Variants in MGST1 observed in about 807,000 individuals in gnomAD.
MGST1 encodes the protein microsomal glutathione S-transferase 1, also known as glutathione S-transferase 12.
A neutral mutation model predicts 8.9 loss-of-function variants in MGST1; 5 were observed. The observed-to-expected ratio is 0.56, with a 90% CI of 0.29 to 1.19. The LOEUF is 1.19. MGST1 is among the 50% of genes most tolerant of loss of function. MGST1 has a pLI of 0.08. For missense variants in MGST1, 182 were observed against 187.4 expected (o/e 0.97, Z 0.17); for synonymous variants, 54 against 67.8 (o/e 0.80, Z 1.00).
At chr12:16,415,745 A>G (rs1940782558) in intron 1 of MGST1, among the ~76,000 whole-genome samples, 2 of 152,166 alleles carry the variant, frequency 1.3e-5, no homozygotes, top group Admixed American at 6.5e-5. Context: ...TGGGGACTCA[A>G]AAGTTATATG....
At chr12:16,583,620 T>C (rs895736192) in intron 4 of MGST1, among the ~76,000 whole-genome samples, 3 of 152,212 alleles carry the variant, frequency 2.0e-5, no homozygotes, top group African/African-American at 7.2e-5. Flanking sequence ...TGTAAGAGGC[T>C]GATTTATATC....
At chr12:16,545,625 A>G (rs1167105126) in intron 4 of MGST1, among the ~76,000 whole-genome samples, 1 of 152,042 alleles carries the variant, frequency 6.6e-6, no homozygotes, top group Non-Finnish European at 1.5e-5. Context: ...TTTTTACTTC[A>G]GTGTACCCTC....
At chr12:16,534,289 G>T (rs11056989) in intron 4 of MGST1, among the ~76,000 whole-genome samples, 46,227 of 152,036 alleles carry the variant, frequency 0.3, 7,076 homozygotes, top group East Asian at 0.43. Flanking sequence ...ATGCACATTT[G>T]AGATAAAAGG....
intron 4 of MGST1, among the ~76,000 whole-genome samples, chr12:16,543,729 G>C (rs185891945): frequency 6.6e-6 from 1 of 152,134 alleles, no homozygotes; most frequent in East Asian, 1.9e-4. Context: ...ATCATTTTCT[G>C]CCTGATGGCA....
intron 4 of MGST1, among the ~76,000 whole-genome samples, chr12:16,557,034 T>C (rs1042918564): frequency 1.3e-5 from 2 of 152,226 alleles, no homozygotes; most frequent in African/African-American, 2.4e-5. Context: ...CTTACTTGAC[T>C]GAGTTCTCCT....
chr12:16,535,386 T>G (rs1941749702), intron 4 of MGST1, among the ~76,000 whole-genome samples: 1 of 152,204 alleles, frequency 6.6e-6, no homozygotes, highest in African/African-American at 2.4e-5. Flanking sequence ...AAGGTAATGA[T>G]ATTTAGAAAT....
intron 4 of MGST1, among the ~76,000 whole-genome samples, chr12:16,468,625 A>G (rs941935971): frequency 8.5e-5 from 13 of 152,240 alleles, no homozygotes; most frequent in South Asian, 2.1e-4. Flanking sequence ...GCTTGTGGGT[A>G]AAACGTATAT....
intron 3 of MGST1, among the ~76,000 whole-genome samples, chr12:16,358,877 C>T (rs1367960489): frequency 7.4e-6 from 1 of 134,300 alleles, no homozygotes; most frequent in African/African-American, 2.8e-5. Context: ...TGATGGACAC[C>T]TAGGTTGCAT....
chr12:16,361,119 G>A lies in MGST1; in HGVS notation c.222-2676G>A, dbSNP rs1393131405. Among the ~76,000 whole-genome samples the A allele has an allele frequency of 2.6e-5, 4 of 152,174 alleles. No homozygotes were observed. Among genetic ancestry groups the A allele is most frequent in the African/African-American group, 9.7e-5 (4 of 41,450 alleles). The stretch of plus-strand genomic sequence containing the variant: ...TTAGGATTTGAAAGGAGAAAGAGGA[G>A]AGAAGTCTCATCAATTTGGGAAAAT... On this transcript the variant is annotated intron_variant, in intron 3 of 3. Transcript: ENST00000396210. The surrounding 1 kb of genome is among the most constrained non-coding windows in gnomAD (Gnocchi z 4.2).
At chr12:16,417,554 G>A (rs952932592) in intron 1 of MGST1, among the ~76,000 whole-genome samples, 3 of 152,124 alleles carry the variant, frequency 2.0e-5, no homozygotes, top group Non-Finnish European at 2.9e-5. Flanking sequence ...CCAGTGCCCT[G>A]CCAATGGAGA....
chr12:16,365,563 A>G (rs978922821), downstream of MGST1, among the ~76,000 whole-genome samples: 1 of 152,216 alleles, frequency 6.6e-6, no homozygotes, highest in African/African-American at 2.4e-5. Flanking sequence ...ACTACGTAGA[A>G]TTCCATACAA....
intron 1 of MGST1, among the ~76,000 whole-genome samples, chr12:16,433,041 C>A (rs1236452099): frequency 6.6e-6 from 1 of 152,024 alleles, no homozygotes; most frequent in African/African-American, 2.4e-5. Flanking sequence ...AGTATTAACT[C>A]ACACGATCAC....
intron 4 of MGST1, among the ~76,000 whole-genome samples, chr12:16,565,318 C>CT (rs1942562526): frequency 6.6e-6 from 1 of 152,148 alleles, no homozygotes; most frequent in African/African-American, 2.4e-5. Flanking sequence ...AGGACAATTG[C>CT]TTTTTTGTCT....
intron 1 of MGST1, among the ~76,000 whole-genome samples, chr12:16,408,400 G>A (rs373664612): frequency 6.6e-6 from 1 of 151,924 alleles, no homozygotes; most frequent in South Asian, 2.1e-4. Flanking sequence ...TGTCTTTATC[G>A]CATTCTCCCT....
chr12:16,567,570 G>A (rs1942661812), intron 4 of MGST1: 1 of 144,026 alleles, frequency 6.9e-6, no homozygotes, highest in Non-Finnish European at 1.5e-5. Context: ...GTCATCGTGG[G>A]ATGATGTTAG....
intron 1 of MGST1, among the ~76,000 whole-genome samples, chr12:16,409,630 G>C (rs147090760): frequency 9.2e-5 from 14 of 152,202 alleles, no homozygotes; most frequent in Non-Finnish European, 1.9e-4. Flanking sequence ...TAAGCAAATG[G>C]CTTCTAGGGA....
chr12:16,481,883 T>C (rs1029554719), intron 4 of MGST1, among the ~76,000 whole-genome samples: 1 of 152,198 alleles, frequency 6.6e-6, no homozygotes, highest in Non-Finnish European at 1.5e-5. Flanking sequence ...TCAAGCTTCA[T>C]ATTCTGAATG....
rs560319680 is a variant in MGST1, at chr12:16,503,598, C to T, written n.483-85930C>T. The stretch of plus-strand genomic sequence containing the variant: ...TTGTACATCCTCTTTAGACAGGAGG[C>T]AGGACTTAATTCTGGAGGTAGGGCT... On this transcript the variant is annotated intron_variant and non_coding_transcript_variant, in intron 4 of 4. Transcript: ENST00000538857. This position sits in a 1 kb window ranked among gnomAD's most constrained non-coding sequence, Gnocchi z 4.8. Among the ~76,000 whole-genome samples, 1 of 152,198 alleles carries T rather than the reference C, an allele frequency of 6.6e-6. No homozygotes were observed. The highest frequency in any genetic ancestry group is 2.1e-4 in the South Asian group (1 of 4,822).
downstream of MGST1, among the ~76,000 whole-genome samples, chr12:16,378,784 G>C (rs1438910694): frequency 7.9e-5 from 12 of 151,802 alleles, no homozygotes; most frequent in African/African-American, 2.2e-4. Context: ...CATGAGCATG[G>C]AATGTTCTTC....
Sources: gnomAD v4.1 joint callset for allele counts (sites outside exome capture counted in the v4.1 genomes callset) on GRCh38, gnomAD v4.1.1 for gene constraint, Gnocchi (gnomAD v3.1) non-coding constraint, MANE v1.5 for transcripts, NCBI Gene and HGNC (gene_info 2026-07-23, HGNC 2026-07-21) for gene names.